Variants in MYO7B observed in about 807,000 individuals in gnomAD.
MYO7B encodes the protein myosin VIIB.
MYO7B carries 212 observed loss-of-function variants against 259.7 expected under a neutral mutation model. The observed-to-expected ratio is 0.82, with a 90% confidence interval of 0.73 to 0.91. The LOEUF is 0.91. Among genes scored for constraint, MYO7B ranks in the 40% least tolerant of loss-of-function variants. MYO7B has a pLI of 0.00. For missense variants in MYO7B, 2,732 were observed against 2,813.5 expected, an observed-to-expected ratio of 0.97 and a Z score of 0.66; for synonymous variants, 1,197 against 1,166.4, an observed-to-expected ratio of 1.03 and a Z score of -0.54.
chr2:127,589,039 G>A (rs1417094007), intron 15 of MYO7B, among the ~76,000 whole-genome samples: 1 of 144,800 alleles, frequency 6.9e-6, no homozygotes, highest in African/African-American at 2.5e-5. Context: ...GGATGGATGG[G>A]TGGGTGAGTG....
At chr2:127,616,591 C>T (rs1680578729) in intron 26 of MYO7B, among the ~76,000 whole-genome samples, 1 of 152,220 alleles carries the variant, frequency 6.6e-6, no homozygotes. Context: ...TCCCACATAT[C>T]CTGTTGGCAA....
In MYO7B at chr2:127,637,307, C is replaced by T. The variant is rs1238311996; in HGVS notation, c.6328-9C>T. 1 of 1,571,006 alleles carries T rather than the reference C, an allele frequency of 6.4e-7. No homozygotes were observed. Among genetic ancestry groups the T allele is most frequent in the Non-Finnish European group, 8.6e-7 (1 of 1,157,292 alleles). On this transcript the variant is annotated splice_polypyrimidine_tract_variant and intron_variant, in intron 47 of 47. Coordinates refer to ENST00000409816, the MANE Select transcript of MYO7B (RefSeq NM_001393586.1). ...CCCACAGCCTCTGACCCCCCCGTCC[C>T]CTGTCCAGGGCTATAAGATGGATGA... is the stretch of plus-strand genomic sequence containing the variant.
intron 29 of MYO7B, 48 bp from the exon 30 acceptor site, chr2:127,624,045 T>C: frequency 6.7e-7 from 1 of 1,491,264 alleles, no homozygotes; most frequent in Non-Finnish European, 9.0e-7. Flanking sequence ...CCCCGTGGGG[T>C]GGGGCATGCA....
At chr2:127,620,940 C>T (rs1680811159) in intron 27 of MYO7B, among the ~76,000 whole-genome samples, 1 of 152,220 alleles carries the variant, frequency 6.6e-6, no homozygotes. Context: ...AAATGCAGAA[C>T]ATCTAAAACC....
Position 127,629,831 on chromosome 2 carries a change from CTG to C in MYO7B, c.4806+6_4806+7del, listed in dbSNP as rs771402505. Reference sequence around the variant, plus strand: ...AAGCCCTCGGCACAGCTGCTGGTAACTGGCACGCTCCCCTGTCCTCAGCCTGG... The same window carrying C: ...AAGCCCTCGGCACAGCTGCTGGTAACGCACGCTCCCCTGTCCTCAGCCTGG... On this transcript the variant is annotated splice_donor_region_variant and intron_variant, in intron 35 of 47. Transcript: ENST00000409816. 3.9e-6 allele frequency: 6 copies of C among 1,550,762 alleles called. No individual in the cohort carries two copies. The highest frequency in any genetic ancestry group is 5.2e-6 in the Non-Finnish European group (6 of 1,146,228).
intron 9 of MYO7B, among the ~76,000 whole-genome samples, chr2:127,579,244 T>C (rs893673151): frequency 3.9e-5 from 6 of 152,124 alleles, no homozygotes; most frequent in Non-Finnish European, 7.4e-5. Flanking sequence ...GAGGCAATAT[T>C]TGAAGAGATA....
In MYO7B at chr2:127,607,216, G is replaced by T. The variant is rs1436858788; in HGVS notation, c.2435G>T (p.Gly812Val). 1.9e-6 allele frequency: 3 copies of T among 1,548,846 alleles called. No individual in the cohort carries two copies. Among genetic ancestry groups the T allele is most frequent in the Non-Finnish European group, 2.6e-6 (3 of 1,146,396 alleles). ...NRRNFKLILVGFERLQAIARS... is the reference protein window; with the variant it reads ...NRRNFKLILVVFERLQAIARS... ...CTCTTGCCTCCGCAGATCCTCGTGGGCTTTGAGCGCCTGCAGGCTATTGCC... is the reference window on the plus strand; with the variant it reads ...CTCTTGCCTCCGCAGATCCTCGTGGTCTTTGAGCGCCTGCAGGCTATTGCC... Residue 812 changes from glycine (G) to valine (V), a missense_variant, in exon 21 of 48, where the codon GGC becomes GTC. Physicochemically the swap from Gly to Val is moderately radical, Grantham distance 109. This residue lies in a region of MYO7B where 1,906 missense variants were observed against 2,026.4 expected (regional missense o/e 0.94). Transcript: ENST00000409816. The surrounding 1 kb of genome is among the most constrained non-coding windows in gnomAD (Gnocchi z 4.4).
chr2:127,627,202 C>T lies in MYO7B; in HGVS notation c.4352C>T (p.Thr1451Met), dbSNP rs375940122. ...TGGCCAGGCCCCCGCCTGCCCAAGACGCAGCTGATCTTGGCTGTTAACTGG... is the reference window on the plus strand; with the variant it reads ...TGGCCAGGCCCCCGCCTGCCCAAGATGCAGCTGATCTTGGCTGTTAACTGG... ...ITLSGPRLPK[T>M]QLILAVNWKG... is the part of the protein sequence containing the mutation. The change falls in exon 33 of 48, where the codon ACG becomes ATG. Residue 1451 changes from threonine (T) to methionine (M), a missense_variant. This residue lies in a region of MYO7B where 1,906 missense variants were observed against 2,026.4 expected (regional missense o/e 0.94). Coordinates refer to ENST00000409816, the MANE Select transcript of MYO7B (RefSeq NM_001393586.1). This position sits in a 1 kb window ranked among gnomAD's most constrained non-coding sequence, Gnocchi z 5.6. 8.3e-5 allele frequency: 134 copies of T among 1,609,692 alleles called. 1 individual carries two copies. The highest frequency in any genetic ancestry group is 1.9e-4 in the African/African-American group (14 of 74,896).
rs558067829 is a variant in MYO7B at position 127,559,947 on chromosome 2, G to A, written c.18+207G>A. Among the ~76,000 whole-genome samples the A allele has an allele frequency of 3.6e-4, 54 of 152,100 alleles. No homozygotes were observed. Among genetic ancestry groups the A allele is most frequent in the Non-Finnish European group, 2.9e-5 (2 of 67,974 alleles). On this transcript the variant is annotated intron_variant, in intron 2 of 47. Coordinates refer to ENST00000409816, the MANE Select transcript of MYO7B (RefSeq NM_001393586.1). The surrounding 1 kb of genome is among the most constrained non-coding windows in gnomAD (Gnocchi z 4.1). ...GCCTCGGCAATACATGTATAGTTAT[G>A]TATAGTTATCCCTCACTTTCATGTA...
In MYO7B at chr2:127,584,427, T is replaced by C; in HGVS notation, c.1554+95T>C. On this transcript the variant is annotated intron_variant, in intron 13 of 47. Transcript: ENST00000409816. This position sits in a 1 kb window ranked among gnomAD's most constrained non-coding sequence, Gnocchi z 5.8. The stretch of plus-strand genomic sequence containing the variant: ...CTCCATTTGGGTGGGCCACTTGTTC[T>C]GAGAGTCACTAAAACCTCTGCCAGG... 1 of 1,321,432 alleles carries C rather than the reference T, an allele frequency of 7.6e-7. No homozygotes were observed. The highest frequency in any genetic ancestry group is 1.1e-6 in the Non-Finnish European group (1 of 947,768). 81.9% of individuals were successfully genotyped at this position (1,321,432 alleles called of 1,614,324 possible).
intron 10 of MYO7B, 135 bp downstream of exon 10, chr2:127,580,957 C>A: frequency 1.1e-6 from 1 of 878,138 alleles, no homozygotes; most frequent in Non-Finnish European, 1.8e-6. Context: ...TCAAACCCCT[C>A]CCTTCTGTAT....
chr2:127,607,410 C>T lies in MYO7B; in HGVS notation c.2629C>T (p.Gln877Ter), dbSNP rs1047829127. Residue 877 changes from glutamine (Q) to a stop codon, truncating the protein, a stop_gained, in exon 21 of 48, where the codon CAA becomes TAA. Coordinates refer to ENST00000409816, the MANE Select transcript of MYO7B (RefSeq NM_001393586.1). LOFTEE classifies it high-confidence loss of function. This position sits in a 1 kb window ranked among gnomAD's most constrained non-coding sequence, Gnocchi z 4.4. ...CATGGCTGCCCGGCGCAACTTCCAG[C>T]AAAGGAAGGCCAATGTAGGTGGTCA... ...RGMAARRNFQQRKANAPLVIP... is the reference protein window; with the variant it reads ...RGMAARRNFQ 2 of 1,550,906 alleles carry T rather than the reference C, an allele frequency of 1.3e-6. No homozygotes were observed. Among genetic ancestry groups the T allele is most frequent in the African/African-American group, 2.7e-5 (2 of 73,052 alleles).
chr2:127,636,484 C>A lies in MYO7B; in HGVS notation c.6124-61C>A. The A allele has an allele frequency of 6.5e-7, 1 of 1,533,336 alleles. No homozygotes were observed. Among genetic ancestry groups the A allele is most frequent in the Non-Finnish European group, 8.9e-7 (1 of 1,122,388 alleles). 95.0% of individuals were successfully genotyped at this position (1,533,336 alleles called of 1,614,324 possible). A position where few individuals can be genotyped will look rare whatever the true frequency, so the allele number is the denominator to read the frequency against. On this transcript the variant is annotated intron_variant, in intron 45 of 47. Coordinates refer to ENST00000409816, the MANE Select transcript of MYO7B (RefSeq NM_001393586.1). This position sits in a 1 kb window ranked among gnomAD's most constrained non-coding sequence, Gnocchi z 4.5. ...TATGTGCGTGTGGCCTAGATGAGCT[C>A]CTGGGAGGTGCAGCCTGGCCTCCCG...
At chr2:127,631,796 C>G in intron 38 of MYO7B, 43 bp downstream of exon 38, 2 of 1,595,366 alleles carry the variant, frequency 1.3e-6, no homozygotes. Flanking sequence ...ACCCTCAGTC[C>G]TCATCCCGGC....
intron 5 of MYO7B, 104 bp from the exon 6 acceptor site, chr2:127,569,685 T>A: frequency 7.0e-7 from 1 of 1,423,774 alleles, no homozygotes; most frequent in Non-Finnish European, 9.5e-7. Context: ...GCCATCCCTG[T>A]CAGACTGGCT....
At chr2:127,555,695 T>G (rs572863023) in intron 1 of MYO7B, among the ~76,000 whole-genome samples, 6 of 152,234 alleles carry the variant, frequency 3.9e-5, no homozygotes, top group Admixed American at 2.6e-4. Context: ...TTCCATGTAT[T>G]TGCATGGTTT....
Position 127,614,816 on chromosome 2 carries a change from G to T in MYO7B, c.3398+2213G>T, listed in dbSNP as rs536801438. Among the ~76,000 whole-genome samples, 1 of 152,302 alleles carries T rather than the reference G, an allele frequency of 6.6e-6. No individual in the cohort carries two copies. Among genetic ancestry groups the T allele is most frequent in the East Asian group, 1.9e-4 (1 of 5,174 alleles). Reference sequence around the variant, plus strand: ...CCCTTATGCAGGCTGGAGGTGGCTTGGTGGCTGCACTAGTTCTGCCACCTT... The same window carrying T: ...CCCTTATGCAGGCTGGAGGTGGCTTTGTGGCTGCACTAGTTCTGCCACCTT... On this transcript the variant is annotated intron_variant, in intron 26 of 47. Coordinates refer to ENST00000409816, the MANE Select transcript of MYO7B (RefSeq NM_001393586.1). The surrounding 1 kb of genome is among the most constrained non-coding windows in gnomAD (Gnocchi z 4.6).
intron 4 of MYO7B, 111 bp from the exon 5 acceptor site, chr2:127,566,532 C>T (rs1678350505): frequency 1.1e-6 from 1 of 946,686 alleles, no homozygotes; most frequent in Admixed American, 3.8e-5. Flanking sequence ...CCACCAAAGT[C>T]AGTGGCCCTG....
At chr2:127,601,470 C>T (rs1382374789) in intron 19 of MYO7B, among the ~76,000 whole-genome samples, 1 of 151,650 alleles carries the variant, frequency 6.6e-6, no homozygotes, top group East Asian at 1.9e-4. Context: ...TTTTGCTTCA[C>T]ATATTTTGCA....
Sources: gnomAD v4.1 joint callset for allele counts (sites outside exome capture counted in the v4.1 genomes callset) on GRCh38, gnomAD v4.1.1 for gene constraint, gnomAD v4.1.1 regional missense constraint, Gnocchi (gnomAD v3.1) non-coding constraint, MANE v1.5 for transcripts, NCBI Gene and HGNC (gene_info 2026-07-23, HGNC 2026-07-21) for gene names.